MSRA: variants seen among roughly 807,000 people sequenced by gnomAD.
MSRA encodes mitochondrial peptide methionine sulfoxide reductase.
Under a neutral mutation model 31.3 loss-of-function variants are expected in MSRA, and 54 were observed. That is an observed-to-expected ratio of 1.73 (90% confidence interval 1.39 to 2.17). The LOEUF is 2.17. MSRA is among the 30% of genes most tolerant of loss of function. The pLI is 0.00. For synonymous variants in MSRA, 169 were observed against 116.5 expected (o/e 1.45, Z -2.90); for missense variants, 507 against 300.9 (o/e 1.69, Z -5.07).
intron 1 of MSRA, among the ~76,000 whole-genome samples, chr8:10,155,288 C>G (rs755841349): frequency 1.1e-4 from 16 of 151,940 alleles, no homozygotes; most frequent in Non-Finnish European, 1.9e-4. Flanking sequence ...TGTTGGACAC[C>G]AACATTTTCA....
chr8:10,311,184 A>G (rs1381235074), intron 4 of MSRA, among the ~76,000 whole-genome samples: 1 of 152,198 alleles, frequency 6.6e-6, no homozygotes, highest in Admixed American at 6.5e-5. Flanking sequence ...AGTTATTCAG[A>G]CCAAATTGCC....
intron 1 of MSRA, among the ~76,000 whole-genome samples, chr8:10,151,275 A>T (rs58757772): frequency 2.7e-4 from 29 of 106,534 alleles, no homozygotes; most frequent in South Asian, 6.5e-4. Flanking sequence ...AAAAAAAAAA[A>T]AAAAAAAAAA....
intron 1 of MSRA, among the ~76,000 whole-genome samples, chr8:10,111,978 G>C (rs1251385890): frequency 6.6e-6 from 1 of 151,964 alleles, no homozygotes; most frequent in East Asian, 1.9e-4. Context: ...GGCTGCTCTT[G>C]GTGAGATTTA....
rs116288249 is a variant in MSRA at position 10,137,277 on chromosome 8, T to G, written c.143-70556T>G. On this transcript the variant is annotated intron_variant, in intron 1 of 5. Coordinates refer to ENST00000317173, the MANE Select transcript of MSRA (RefSeq NM_012331.5). The stretch of plus-strand genomic sequence containing the variant: ...TTTTAAAAAATTGGTTTTCTGCATT[T>G]GTGTAATCAAGTACAGGAATGGTTT... Among the ~76,000 whole-genome samples, 1,151 of 152,362 alleles carry G rather than the reference T, an allele frequency of 7.6e-3. 17 individuals are homozygous for G. Among genetic ancestry groups the G allele is most frequent in the African/African-American group, 0.025 (1,023 of 41,588 alleles).
intron 1 of MSRA, among the ~76,000 whole-genome samples, chr8:10,146,565 G>T (rs767497628): frequency 6.6e-6 from 1 of 152,164 alleles, no homozygotes; most frequent in Admixed American, 6.5e-5. Flanking sequence ...GGTACCAGGG[G>T]TATTTTGGGG....
At chr8:10,421,697 C>G (rs141871796) in intron 5 of MSRA, among the ~76,000 whole-genome samples, 5 of 152,156 alleles carry the variant, frequency 3.3e-5, no homozygotes, top group Admixed American at 1.3e-4. Context: ...GGCACGCCTT[C>G]CATAAGGAGT....
At chr8:10,140,746 C>G (rs536070717) in intron 1 of MSRA, among the ~76,000 whole-genome samples, 1 of 152,058 alleles carries the variant, frequency 6.6e-6, no homozygotes, top group Admixed American at 6.6e-5. Flanking sequence ...AAGCTTAACT[C>G]CTTTAAGAGA....
chr8:10,427,167 C>T (rs1165981052), intron 5 of MSRA, among the ~76,000 whole-genome samples: 1 of 152,158 alleles, frequency 6.6e-6, no homozygotes, highest in Non-Finnish European at 1.5e-5. Flanking sequence ...AAACATGGGT[C>T]CTGGCTCTGC....
chr8:10,314,741 G>T (rs1801619171), intron 4 of MSRA, among the ~76,000 whole-genome samples: 1 of 152,140 alleles, frequency 6.6e-6, no homozygotes, highest in South Asian at 2.1e-4. Context: ...GTTCATTAAG[G>T]GTAGAATGTA....
intron 1 of MSRA, among the ~76,000 whole-genome samples, chr8:10,190,403 C>T (rs536655975): frequency 2.1e-4 from 32 of 152,172 alleles, no homozygotes; most frequent in Non-Finnish European, 4.4e-4. Flanking sequence ...CTCCTGCCCC[C>T]GTCAGTGCCT....
At chr8:10,098,986 C>T (rs1229397175) in intron 1 of MSRA, among the ~76,000 whole-genome samples, 4 of 152,198 alleles carry the variant, frequency 2.6e-5, no homozygotes, top group Non-Finnish European at 4.4e-5. Context: ...TAAGGCCCCT[C>T]CCACATCCTG....
intron 5 of MSRA, among the ~76,000 whole-genome samples, chr8:10,352,038 A>C (rs1448654289): frequency 6.6e-6 from 1 of 152,312 alleles, no homozygotes; most frequent in African/African-American, 2.4e-5. Context: ...TCTATATAAA[A>C]CAGCAGAAAA....
intron 1 of MSRA, among the ~76,000 whole-genome samples, chr8:10,175,190 A>G (rs1249819054): frequency 6.6e-6 from 1 of 151,982 alleles, no homozygotes; most frequent in African/African-American, 2.4e-5. Flanking sequence ...AGATGCCACG[A>G]TGGTCACACT....
intron 1 of MSRA, among the ~76,000 whole-genome samples, chr8:10,157,440 C>T (rs970633480): frequency 8.6e-5 from 13 of 152,024 alleles, no homozygotes; most frequent in Non-Finnish European, 1.6e-4. Context: ...AATAGCATGA[C>T]ATTTTCAAAG....
At chr8:10,057,659 G>A (rs906737077) in intron 1 of MSRA, among the ~76,000 whole-genome samples, 1 of 152,110 alleles carries the variant, frequency 6.6e-6, no homozygotes, top group Admixed American at 6.6e-5. Flanking sequence ...TGCTGTTCTC[G>A]TGAGAGTGAA....
chr8:10,294,099 G>C (rs934661927), intron 3 of MSRA, among the ~76,000 whole-genome samples: 3 of 152,148 alleles, frequency 2.0e-5, no homozygotes, highest in African/African-American at 7.2e-5. Context: ...AGCTACTTAG[G>C]AGGCTGAGGC....
Position 10,164,822 on chromosome 8 carries a change from G to A in MSRA, c.143-43011G>A, listed in dbSNP as rs578195317. Among the ~76,000 whole-genome samples, 27 of 152,282 alleles carry A rather than the reference G, an allele frequency of 1.8e-4. No homozygotes were observed. The South Asian group carries it at 5.0e-3, about 28-fold the overall frequency. On this transcript the variant is annotated intron_variant, in intron 1 of 5. Coordinates refer to ENST00000317173, the MANE Select transcript of MSRA (RefSeq NM_012331.5). ...TAGGCGGTGGATCACAAGGTCAGGA[G>A]TTCGAGACCAGCCTGACCAACATAG...
chr8:10,164,758 C>T (rs1056963688), intron 1 of MSRA, among the ~76,000 whole-genome samples: 1 of 152,148 alleles, frequency 6.6e-6, no homozygotes, highest in Admixed American at 6.5e-5. Context: ...TCACCTGAGC[C>T]AGTGGCTCAA....
At chr8:10,297,709 C>T (rs987990088) in intron 3 of MSRA, among the ~76,000 whole-genome samples, 3 of 152,172 alleles carry the variant, frequency 2.0e-5, no homozygotes, top group African/African-American at 7.2e-5. Flanking sequence ...TGCTGTTTGT[C>T]AAGGCAAATG....
Sources: gnomAD v4.1 joint callset for allele counts (sites outside exome capture counted in the v4.1 genomes callset) on GRCh38, gnomAD v4.1.1 for gene constraint, MANE v1.5 for transcripts, NCBI Gene and HGNC (gene_info 2026-07-23, HGNC 2026-07-21) for gene names.